The following THSD7B variants were observed in gnomAD, a reference collection of about 807,000 sequenced individuals.
THSD7B encodes thrombospondin type-1 domain-containing protein 7B.
A neutral mutation model predicts 213.6 loss-of-function variants in THSD7B; 138 were observed. The ratio of observed to expected loss-of-function variants is 0.65; its 90% CI spans 0.56 to 0.74. The LOEUF is 0.74. Ranked by LOEUF, THSD7B falls within the 30% of genes least tolerant of loss-of-function variation. The pLI is 0.00. For missense variants in THSD7B, 1,931 were observed against 1,991.5 expected (o/e 0.97, Z 0.58); for synonymous variants, 742 against 687.0 (o/e 1.08, Z -1.25).
intron 14 of THSD7B, among the ~76,000 whole-genome samples, chr2:137,430,743 A>G (rs1687161064): frequency 6.6e-6 from 1 of 152,224 alleles, no homozygotes; most frequent in African/African-American, 2.4e-5. Context: ...TTTGAATAAA[A>G]TCAAAGGTAG....
intron 2 of THSD7B, among the ~76,000 whole-genome samples, chr2:136,921,648 A>G (rs1300739621): frequency 2.0e-5 from 3 of 152,192 alleles, no homozygotes; most frequent in Non-Finnish European, 1.5e-5. Context: ...TTGATTTTCA[A>G]GGTGTTTTAG....
At chr2:137,518,815 A>T (rs2105163195) in intron 15 of THSD7B, among the ~76,000 whole-genome samples, 2 of 152,300 alleles carry the variant, frequency 1.3e-5, no homozygotes, top group South Asian at 4.1e-4. Flanking sequence ...CTGAGTGCCC[A>T]ATTTGCCAGC....
At chr2:136,815,404 T>C (rs1682452984) in intron 1 of THSD7B, among the ~76,000 whole-genome samples, 1 of 152,168 alleles carries the variant, frequency 6.6e-6, no homozygotes, top group South Asian at 2.1e-4. Flanking sequence ...AGATGTTGTT[T>C]CTCCTGATAG....
At chr2:137,250,936 C>G (rs894049824) in intron 10 of THSD7B, among the ~76,000 whole-genome samples, 1 of 152,146 alleles carries the variant, frequency 6.6e-6, no homozygotes, top group Non-Finnish European at 1.5e-5. Flanking sequence ...ACACTTTGCC[C>G]TCTGAAGTCC....
At position 137,277,276 on chromosome 2, in the gene THSD7B, A is replaced by G. The variant is rs148705794; in HGVS notation, c.2500+1250A>G. ...TTATCACATAAAAGCAAGATATTTC[A>G]TATTTTCTAGAATATGAAATCTCTT... On this transcript the variant is annotated intron_variant, in intron 12 of 27. Transcript: ENST00000409968. 5.0e-3 allele frequency among the ~76,000 whole-genome samples: 761 copies of G among 152,184 alleles called. 6 individuals carry two copies. Among genetic ancestry groups the G allele is most frequent in the African/African-American group, 0.017 (722 of 41,560 alleles).
rs531913287 is a variant in THSD7B, at chr2:136,890,285, T to G, written c.139+7968T>G. On this transcript the variant is annotated intron_variant, in intron 2 of 27. Transcript: ENST00000409968. ...TTCGATTGGTGTACTCATTGCTCAT[T>G]CATGTCCATGTCCTACTCCTTCTTC... is the stretch of plus-strand genomic sequence containing the variant. 9.8e-5 allele frequency among the ~76,000 whole-genome samples: 6 copies of G among 61,062 alleles called. 1 individual carries two copies. The Admixed American group carries it at 1.3e-3, about 14-fold the overall frequency. The allele number at this position is 61,062 out of a possible 152,430, so 40.1% of individuals were successfully genotyped here.
intron 12 of THSD7B, among the ~76,000 whole-genome samples, chr2:137,312,963 C>G (rs1320698099): frequency 6.7e-6 from 1 of 149,102 alleles, no homozygotes; most frequent in Non-Finnish European, 1.5e-5. Flanking sequence ...TGGTGTGGTG[C>G]TGAAAAAAAT....
At chr2:137,547,963 AGT>A (rs1451888835) in intron 15 of THSD7B, among the ~76,000 whole-genome samples, 7 of 152,006 alleles carry the variant, frequency 4.6e-5, no homozygotes, top group African/African-American at 1.7e-4. Flanking sequence ...GGTCAGATCC[AGT>A]TTTGTGCTTG....
At chr2:137,091,881 G>A (rs953908023) in intron 3 of THSD7B, among the ~76,000 whole-genome samples, 10 of 152,024 alleles carry the variant, frequency 6.6e-5, no homozygotes, top group East Asian at 5.8e-4. Flanking sequence ...GAAACTTCTC[G>A]TCGACTTACA....
rs556326325 is a variant in THSD7B at position 136,817,694 on chromosome 2, T to G, written c.-36+52007T>G. ...TTGTAGATATGCGGCTCAAACAAATTTACAAGAAAAAAACAAACAACCCCA... is the reference window on the plus strand; with the variant it reads ...TTGTAGATATGCGGCTCAAACAAATGTACAAGAAAAAAACAAACAACCCCA... On this transcript the variant is annotated intron_variant, in intron 1 of 27. Coordinates refer to ENST00000409968, the MANE Select transcript of THSD7B (RefSeq NM_001316349.2). 2.0e-5 allele frequency among the ~76,000 whole-genome samples: 3 copies of G among 151,946 alleles called. No homozygotes were observed. In the East Asian group the frequency reaches 5.8e-4, roughly 29 times the overall value.
At chr2:137,322,313 A>C (rs553117481) in intron 12 of THSD7B, among the ~76,000 whole-genome samples, 25 of 152,316 alleles carry the variant, frequency 1.6e-4, no homozygotes, top group African/African-American at 5.8e-4. Flanking sequence ...AAACACATGC[A>C]ATAACACTTT....
chr2:136,776,740 T>C (rs1681612818), intron 1 of THSD7B, among the ~76,000 whole-genome samples: 1 of 152,084 alleles, frequency 6.6e-6, no homozygotes, highest in Admixed American at 6.6e-5. Context: ...AGGTTCAAAA[T>C]AGTATGAAAT....
chr2:136,876,560 G>A (rs1683528926), intron 1 of THSD7B, among the ~76,000 whole-genome samples: 1 of 152,174 alleles, frequency 6.6e-6, no homozygotes, highest in Non-Finnish European at 1.5e-5. Context: ...TGTCTATTGA[G>A]ACAAAAGACT....
In THSD7B at chr2:137,301,706, T is replaced by G. The variant is rs796327649; in HGVS notation, c.2500+25680T>G. Among the ~76,000 whole-genome samples the G allele has an allele frequency of 3.3e-5, 5 of 152,238 alleles. No individual in the cohort carries two copies. In the East Asian group the frequency reaches 7.7e-4, roughly 23 times the overall value. On this transcript the variant is annotated intron_variant, in intron 12 of 27. Coordinates refer to ENST00000409968, the MANE Select transcript of THSD7B (RefSeq NM_001316349.2). Reference sequence around the variant, plus strand: ...CAGGGAAGGGAGCAAATGATGCTTATGTCTAGAAAATGCAAAAGTCCCAGG... The same window carrying G: ...CAGGGAAGGGAGCAAATGATGCTTAGGTCTAGAAAATGCAAAAGTCCCAGG...
chr2:137,360,692 C>T (rs985158871), intron 12 of THSD7B, among the ~76,000 whole-genome samples: 2 of 152,154 alleles, frequency 1.3e-5, no homozygotes, highest in African/African-American at 4.8e-5. Context: ...AGTACATAAA[C>T]AAAGTGGCCT....
intron 15 of THSD7B, among the ~76,000 whole-genome samples, chr2:137,537,288 C>A (rs1680525280): frequency 6.6e-6 from 1 of 151,820 alleles, no homozygotes; most frequent in African/African-American, 2.4e-5. Context: ...ATGAAGCCGA[C>A]TTTTCCCTGA....
At chr2:136,765,884 G>A (rs1335131143) in intron 1 of THSD7B, among the ~76,000 whole-genome samples, 197 bp downstream of exon 1, 1 of 152,244 alleles carries the variant, frequency 6.6e-6, no homozygotes, top group East Asian at 1.9e-4. Flanking sequence ...GGACGCCTCT[G>A]GCTTGGGGCT....
rs1264928850 is a variant in THSD7B, at chr2:137,057,186, G to A, written c.906G>A (p.Arg302=). The A allele has an allele frequency of 1.9e-6, 3 of 1,613,798 alleles. No homozygotes were observed. The highest frequency in any genetic ancestry group is 2.5e-6 in the Non-Finnish European group (3 of 1,179,810). ...CAATAGAGATAGGTTATCAAACCCG[G>A]CAGGTTTCGTGTACAAGAAGTGATG... ...SWAIEIGYQT[R]QVSCTRSDGQ... The change falls in exon 3 of 28, where the codon CGG becomes CGA. Residue 302 remains arginine, a synonymous_variant. Transcript: ENST00000409968.
At chr2:137,497,715 A>T (rs1679604205) in intron 15 of THSD7B, among the ~76,000 whole-genome samples, 1 of 152,294 alleles carries the variant, frequency 6.6e-6, no homozygotes, top group South Asian at 2.1e-4. Flanking sequence ...CAGCAGTATA[A>T]CTTAATTTCA....
Sources: gnomAD v4.1 joint callset for allele counts (sites outside exome capture counted in the v4.1 genomes callset) on GRCh38, gnomAD v4.1.1 for gene constraint, MANE v1.5 for transcripts, NCBI Gene and HGNC (gene_info 2026-07-23, HGNC 2026-07-21) for gene names.